Variants in NXPE4 observed in about 807,000 individuals in gnomAD.
NXPE4 encodes NXPE family member 4.
NXPE4 carries 42 observed loss-of-function variants against 33.3 expected under a neutral mutation model. That is an observed-to-expected ratio of 1.26 (90% CI 0.98 to 1.63). The LOEUF (loss-of-function observed/expected upper bound fraction) is 1.63. NXPE4 is among the 40% of genes most tolerant of loss of function. The pLI is 0.00. For synonymous variants in NXPE4, 253 were observed against 234.9 expected (o/e 1.08, Z -0.71); for missense variants, 709 against 647.6 (o/e 1.09, Z -1.03).
At chr11:114,612,059 G>T in the NXPE4 span, among the ~76,000 whole-genome samples, 7 of 151,952 alleles carry the variant, frequency 4.6e-5, no homozygotes, top group South Asian at 4.1e-4. Flanking sequence ...TGCCTCGTGG[G>T]TAACCACTCT....
At chr11:114,639,851 AATAT>A in the NXPE4 span, among the ~76,000 whole-genome samples, 1 of 99,512 alleles carries the variant, frequency 1.0e-5, no homozygotes, top group Non-Finnish European at 1.8e-5. Context: ...TATAAAATAT[AATAT>A]ATATTATATT....
the NXPE4 span, among the ~76,000 whole-genome samples, chr11:114,601,684 T>TCA: frequency 9.7e-5 from 3 of 30,870 alleles, no homozygotes; most frequent in African/African-American, 4.9e-4. Flanking sequence ...TAATTATAGA[T>TCA]TATATATATT....
At chr11:114,632,794 T>TTA in the NXPE4 span, among the ~76,000 whole-genome samples, 2 of 330 alleles carry the variant, frequency 6.1e-3, no homozygotes, top group Admixed American at 0.05. Flanking sequence ...TATTATATAA[T>TTA]TATATATAAT....
At chr11:114,616,379 G>A in the NXPE4 span, among the ~76,000 whole-genome samples, 3 of 151,392 alleles carry the variant, frequency 2.0e-5, no homozygotes, top group South Asian at 6.2e-4. Flanking sequence ...GTTACCCAGT[G>A]GAAAATAATT....
upstream of NXPE4, among the ~76,000 whole-genome samples, chr11:114,599,286 T>A (rs111399274): frequency 2.6e-5 from 4 of 152,278 alleles, no homozygotes; most frequent in African/African-American, 9.6e-5. Flanking sequence ...CCTCATCTCC[T>A]TCTGAGACCT....
At chr11:114,643,752 G>A in the NXPE4 span, among the ~76,000 whole-genome samples, 1 of 151,860 alleles carries the variant, frequency 6.6e-6, no homozygotes, top group Non-Finnish European at 1.5e-5. Flanking sequence ...CTCTTTTTTG[G>A]TACCATATGA....
chr11:114,617,299 C>A, the NXPE4 span, among the ~76,000 whole-genome samples: 1 of 148,864 alleles, frequency 6.7e-6, no homozygotes, highest in East Asian at 2.0e-4. Context: ...CCATTACCCA[C>A]CAGATACTAA....
chr11:114,634,869 G>A, the NXPE4 span, among the ~76,000 whole-genome samples: 14 of 151,802 alleles, frequency 9.2e-5, 1 homozygote, highest in Admixed American at 2.0e-4. Flanking sequence ...TACTGTAGCC[G>A]TGTAGTATAG....
At chr11:114,612,718 C>T in the NXPE4 span, among the ~76,000 whole-genome samples, 24 of 151,666 alleles carry the variant, frequency 1.6e-4, no homozygotes, top group African/African-American at 5.6e-4. Flanking sequence ...TAATGTGTTG[C>T]CTCGTGGGTA....
At chr11:114,579,980 A>G in intron 5 of NXPE4, 152 bp downstream of exon 5, 1 of 657,258 alleles carries the variant, frequency 1.5e-6, no homozygotes, top group South Asian at 1.9e-5. Flanking sequence ...TGTTTTTTTA[A>G]AGGAAGGATA....
chr11:114,609,740 C>T, the NXPE4 span, among the ~76,000 whole-genome samples: 3 of 151,718 alleles, frequency 2.0e-5, no homozygotes, highest in Non-Finnish European at 2.9e-5. Context: ...TCATGGATAA[C>T]CACTGTTACC....
At chr11:114,598,434 C>T (rs143531523), upstream of NXPE4, among the ~76,000 whole-genome samples, 68 of 152,312 alleles carry the variant, frequency 4.5e-4, no homozygotes, top group African/African-American at 1.4e-3. Context: ...GGGCTCCAGC[C>T]CCACATTGTC....
At chr11:114,640,724 TTA>T in the NXPE4 span, among the ~76,000 whole-genome samples, 225 of 152,172 alleles carry the variant, frequency 1.5e-3, no homozygotes, top group African/African-American at 5.2e-3. Flanking sequence ...TGAGTATTTT[TTA>T]TATGTTTGTT....
chr11:114,577,114 CAT>C (rs1185446950), intron 5 of NXPE4, among the ~76,000 whole-genome samples: 29 of 132,132 alleles, frequency 2.2e-4, no homozygotes, highest in African/African-American at 7.1e-4. Flanking sequence ...TATATATACA[CAT>C]ATATATAAAG....
At chr11:114,610,505 T>C in the NXPE4 span, among the ~76,000 whole-genome samples, 1 of 151,896 alleles carries the variant, frequency 6.6e-6, no homozygotes, top group African/African-American at 2.4e-5. Flanking sequence ...TAATAAGTGT[T>C]GCCTCATGTG....
the NXPE4 span, among the ~76,000 whole-genome samples, chr11:114,645,434 G>C: frequency 4.1e-3 from 618 of 152,168 alleles, 5 homozygotes; most frequent in South Asian, 0.029. Flanking sequence ...AGGAGAAAAT[G>C]GAAAATGATG....
upstream of NXPE4, among the ~76,000 whole-genome samples, chr11:114,596,075 A>G (rs1205323818): frequency 6.6e-6 from 1 of 152,230 alleles, no homozygotes; most frequent in East Asian, 1.9e-4. Flanking sequence ...GTAATCATCA[A>G]CAGAAAGTCA....
At chr11:114,578,070 C>G (rs1328668255) in intron 5 of NXPE4, among the ~76,000 whole-genome samples, 1 of 152,086 alleles carries the variant, frequency 6.6e-6, no homozygotes, top group African/African-American at 2.4e-5. Flanking sequence ...ATCAGAACAT[C>G]AGGGCTAACT....
At chr11:114,589,242 G>T (rs777709660) in intron 2 of NXPE4, among the ~76,000 whole-genome samples, 2 of 152,126 alleles carry the variant, frequency 1.3e-5, no homozygotes, top group Non-Finnish European at 2.9e-5. Context: ...CTCAAAGATG[G>T]TCCAGCAGGA....
Sources: allele counts gnomAD v4.1 joint callset (sites outside exome capture counted in the v4.1 genomes callset), GRCh38; gene constraint gnomAD v4.1.1; transcripts MANE v1.5; gene names NCBI Gene and HGNC (gene_info 2026-07-23, HGNC 2026-07-21).